Variants in ZBTB46 observed in about 807,000 individuals in gnomAD.
ZBTB46 encodes zinc finger and BTB domain containing 46, also known as zinc finger and BTB domain-containing protein 46.
In ZBTB46, 8 loss-of-function variants were observed where a neutral mutation model predicts 44.1. The observed-to-expected ratio is 0.18, with a 90% confidence interval of 0.11 to 0.33. The LOEUF (loss-of-function observed/expected upper bound fraction) is 0.33, where lower values mean the gene tolerates loss of function less well. ZBTB46 is among the 10% of genes least tolerant of loss of function. The probability of loss-of-function intolerance (pLI) is 1.00; values close to 1 mark genes in which losing one functional copy is unlikely to be tolerated. For missense variants in ZBTB46, 651 were observed against 847.7 expected (o/e 0.77, Z 2.88); for synonymous variants, 409 against 382.3 (o/e 1.07, Z -0.81).
chr20:63,801,489 G>C (rs1281706228), intron 1 of ZBTB46, among the ~76,000 whole-genome samples: 1 of 152,184 alleles, frequency 6.6e-6, no homozygotes, highest in Non-Finnish European at 1.5e-5. Flanking sequence ...AATAAGAGCA[G>C]GCTGCCCCAA....
intron 4 of ZBTB46, among the ~76,000 whole-genome samples, chr20:63,751,828 C>G (rs1390651103): frequency 6.7e-6 from 1 of 149,706 alleles, no homozygotes; most frequent in African/African-American, 2.5e-5. Flanking sequence ...AGCCCCGCCC[C>G]CCGGTGGGTC....
Position 63,747,244 on chromosome 20 carries a change from C to A in ZBTB46, c.1456G>T (p.Ala486Ser). The A allele has an allele frequency of 6.3e-7, 1 of 1,576,836 alleles. No homozygotes were observed. Among genetic ancestry groups the A allele is most frequent in the Non-Finnish European group, 8.6e-7 (1 of 1,163,304 alleles). Residue 486 changes from alanine (A) to serine (S), a missense_variant, in exon 5 of 5, where the codon GCC (alanine) becomes TCC (serine). Around this residue, in one of 5 missense-constraint regions of ZBTB46, gnomAD observed 75 missense variants for 107.8 expected, o/e 0.70. Coordinates refer to ENST00000245663, the MANE Select transcript of ZBTB46 (RefSeq NM_001369741.1). ...CKVCSRVFMSAASVGIRHGSR... is the reference protein window; with the variant it reads ...CKVCSRVFMSSASVGIRHGSR... Reference sequence around the variant, plus strand: ...CCATGCCTGATGCCCACGCTGGCGGCGGACATGAAGACGCGGCTGCACACC... The same window carrying A: ...CCATGCCTGATGCCCACGCTGGCGGAGGACATGAAGACGCGGCTGCACACC...
chr20:63,827,211 G>A (rs553229076), intron 1 of ZBTB46, among the ~76,000 whole-genome samples: 72 of 152,166 alleles, frequency 4.7e-4, no homozygotes, highest in Non-Finnish European at 9.3e-4. Context: ...TCACCAACCT[G>A]GCCCAAAGTC....
chr20:63,770,182 C>T (rs958985580), intron 3 of ZBTB46, among the ~76,000 whole-genome samples: 3 of 152,218 alleles, frequency 2.0e-5, no homozygotes, highest in East Asian at 1.9e-4. Context: ...GGCGCATCCT[C>T]GGCTTGTCAG....
intron 1 of ZBTB46, among the ~76,000 whole-genome samples, chr20:63,802,351 G>C (rs537348819): frequency 6.6e-6 from 1 of 152,028 alleles, no homozygotes. Flanking sequence ...TGAACCGGGA[G>C]ACGGAGGCTG....
At chr20:63,829,707 G>C (rs545772677) in intron 1 of ZBTB46, among the ~76,000 whole-genome samples, 3 of 152,310 alleles carry the variant, frequency 2.0e-5, no homozygotes, top group African/African-American at 7.2e-5. Flanking sequence ...ACTGTCGCTT[G>C]CTTCATTATT....
intron 3 of ZBTB46, among the ~76,000 whole-genome samples, chr20:63,756,784 C>T (rs1028556341): frequency 2.6e-5 from 4 of 152,230 alleles, no homozygotes; most frequent in Non-Finnish European, 4.4e-5. Context: ...ATCCTACCCT[C>T]GTGTTGGGCT....
chr20:63,796,728 G>A (rs559767479), intron 1 of ZBTB46, among the ~76,000 whole-genome samples: 2 of 152,152 alleles, frequency 1.3e-5, no homozygotes, highest in South Asian at 2.1e-4. Context: ...GGGAGGCTGA[G>A]GCAGGAGAAT....
chr20:63,821,353 GT>G (rs1468410685), intron 1 of ZBTB46, among the ~76,000 whole-genome samples: 2 of 150,618 alleles, frequency 1.3e-5, no homozygotes, highest in African/African-American at 4.9e-5. Context: ...GGGTCTTGCT[GT>G]GTTGCCCAGG....
intron 4 of ZBTB46, among the ~76,000 whole-genome samples, chr20:63,747,940 TG>T (rs1486808862): frequency 2.6e-5 from 4 of 152,164 alleles, no homozygotes. Flanking sequence ...GGCCCCGCAT[TG>T]GACTGGAGCT....
At position 63,787,752 on chromosome 20, in the gene ZBTB46, A is replaced by G. The variant is rs1276176634; in HGVS notation, c.937+2069T>C. ...TAATGCCAGTGAAATGTACATTTGA[A>G]AATGGTTAAAATGGTAAGGTTTACA... On this transcript the variant is annotated intron_variant, in intron 2 of 4. Transcript: ENST00000245663. This position sits in a 1 kb window ranked among gnomAD's most constrained non-coding sequence, Gnocchi z 4.6. The G allele has an allele frequency of 6.6e-6, 1 of 152,240 alleles. No homozygotes were observed. The highest frequency in any genetic ancestry group is 1.5e-5 in the Non-Finnish European group (1 of 68,038). 9.4% of individuals were successfully genotyped at this position (152,240 alleles called of 1,614,324 possible).
intron 1 of ZBTB46, among the ~76,000 whole-genome samples, chr20:63,792,617 G>A (rs565327614): frequency 1.3e-5 from 2 of 152,090 alleles, no homozygotes; most frequent in African/African-American, 4.8e-5. Flanking sequence ...CCAGGTTCAT[G>A]CCATTCTCCT....
At chr20:63,749,024 G>C (rs969108598) in intron 4 of ZBTB46, among the ~76,000 whole-genome samples, 1 of 152,222 alleles carries the variant, frequency 6.6e-6, no homozygotes, top group Non-Finnish European at 1.5e-5. Context: ...AGGCCACCCA[G>C]CACGGCCCGA....
Position 63,804,681 on chromosome 20 carries a change from C to G in ZBTB46, c.-33-13891G>C, listed in dbSNP as rs374397012. 3.2e-4 allele frequency among the ~76,000 whole-genome samples: 48 copies of G among 152,108 alleles called. 1 individual carries two copies. The South Asian group carries it at 1.0e-2, about 32-fold the overall frequency. On this transcript the variant is annotated intron_variant, in intron 1 of 4. Transcript: ENST00000245663. Reference sequence around the variant, plus strand: ...GGCCAAGGCAGGTGGATCACCAGGTCAAGAGATCGAGACCAGCCTGGCCAA... The same window carrying G: ...GGCCAAGGCAGGTGGATCACCAGGTGAAGAGATCGAGACCAGCCTGGCCAA...
At chr20:63,790,931 G>A in intron 1 of ZBTB46, 141 bp from the exon 2 acceptor site, 5 of 1,238,742 alleles carry the variant, frequency 4.0e-6, no homozygotes, top group Non-Finnish European at 5.4e-6. Flanking sequence ...ATCCACAGGT[G>A]TGCAGCGGGA....
intron 3 of ZBTB46, among the ~76,000 whole-genome samples, chr20:63,753,258 G>C (rs769689373): frequency 6.6e-6 from 1 of 152,182 alleles, no homozygotes; most frequent in Admixed American, 6.5e-5. Flanking sequence ...CGTGGTGTCC[G>C]ATCAGACGCC....
intron 3 of ZBTB46, among the ~76,000 whole-genome samples, chr20:63,763,994 G>T (rs188718143): frequency 1.3e-5 from 2 of 151,470 alleles, no homozygotes; most frequent in East Asian, 3.9e-4. Flanking sequence ...AATAAGAGAC[G>T]GCCTTGCTCT....
At chr20:63,802,635 C>T (rs1375807716) in intron 1 of ZBTB46, among the ~76,000 whole-genome samples, 12 of 146,452 alleles carry the variant, frequency 8.2e-5, no homozygotes, top group African/African-American at 3.0e-4. Context: ...TCCCAGGAAC[C>T]GCGGTGGGCC....
Position 63,790,037 on chromosome 20 carries a change from T to C in ZBTB46, c.721A>G (p.Ser241Gly). 8.1e-6 allele frequency: 13 copies of C among 1,613,926 alleles called. No individual in the cohort carries two copies. The highest frequency in any genetic ancestry group is 1.1e-5 in the Non-Finnish European group (13 of 1,179,922). ...CCGTCCTTGGCAGAAGGCAGCTCGC[T>C]CCCTCCGTACTGAGACGGTGAAACC... The part of the protein sequence containing the change: ...EQVSPSQYGG[S>G]ELPSAKDGAV... The change falls in exon 2 of 5, where the codon AGC becomes GGC. Residue 241 changes from serine (S) to glycine (G), a missense_variant. Coordinates refer to ENST00000245663, the MANE Select transcript of ZBTB46 (RefSeq NM_001369741.1).
Sources: allele counts gnomAD v4.1 joint callset (sites outside exome capture counted in the v4.1 genomes callset), GRCh38; gene constraint gnomAD v4.1.1; regional missense constraint gnomAD v4.1.1; non-coding constraint Gnocchi (gnomAD v3.1); transcripts MANE v1.5; gene names NCBI Gene and HGNC (gene_info 2026-07-23, HGNC 2026-07-21).